PLD5: variants seen among roughly 807,000 people sequenced by gnomAD.
PLD5 encodes phospholipase D family member 5, also known as inactive phospholipase D5.
Under a neutral mutation model 61.1 loss-of-function variants are expected in PLD5, and 36 were observed. The ratio of observed to expected loss-of-function variants is 0.59; its 90% CI spans 0.45 to 0.78. The LOEUF (loss-of-function observed/expected upper bound fraction) is 0.78, where lower values mean the gene tolerates loss of function less well. Among genes scored for constraint, PLD5 ranks in the 30% least tolerant of loss-of-function variants. The probability of loss-of-function intolerance (pLI) is 0.00; values close to 1 mark genes in which losing one functional copy is unlikely to be tolerated. For missense variants in PLD5, 515 were observed against 644.4 expected (o/e 0.80, Z 2.17); for synonymous variants, 243 against 242.8 (o/e 1.00, Z -0.01).
intron 5 of PLD5, among the ~76,000 whole-genome samples, chr1:242,206,081 T>G (rs892747894): frequency 1.3e-5 from 2 of 152,228 alleles, no homozygotes; most frequent in Non-Finnish European, 2.9e-5. Context: ...TCAGTAGCTT[T>G]AGGTTCAGCA....
intron 4 of PLD5, among the ~76,000 whole-genome samples, chr1:242,223,863 G>A (rs1400498209): frequency 6.6e-6 from 1 of 151,338 alleles, no homozygotes; most frequent in African/African-American, 2.5e-5. Flanking sequence ...GAGAGAGAGA[G>A]AGAGAGAGAG....
intron 1 of PLD5, among the ~76,000 whole-genome samples, chr1:242,503,696 G>A (rs1355327545): frequency 6.6e-6 from 1 of 152,164 alleles, no homozygotes; most frequent in East Asian, 1.9e-4. Context: ...ATGATGGTGA[G>A]TGCAATGGGA....
At chr1:242,377,039 G>A in intron 1 of PLD5, 1 of 1,611,738 alleles carries the variant, frequency 6.2e-7, no homozygotes, top group South Asian at 1.1e-5. Flanking sequence ...TGCACTTTCT[G>A]TCTGACACGG....
At chr1:242,174,792 C>G (rs10926639) in intron 5 of PLD5, among the ~76,000 whole-genome samples, 4 of 151,222 alleles carry the variant, frequency 2.6e-5, no homozygotes, top group African/African-American at 9.7e-5. Context: ...AGCAAACTAT[C>G]ACAAGGACAA....
intron 5 of PLD5, among the ~76,000 whole-genome samples, chr1:242,177,300 C>T (rs1248319828): frequency 6.6e-6 from 1 of 152,126 alleles, no homozygotes; most frequent in African/African-American, 2.4e-5. Context: ...CCATTCTCAT[C>T]AAACTAACAC....
intron 5 of PLD5, among the ~76,000 whole-genome samples, chr1:242,128,849 T>C (rs1663009860): frequency 1.3e-5 from 2 of 152,014 alleles, no homozygotes; most frequent in Admixed American, 1.3e-4. Flanking sequence ...CATCCGAAGA[T>C]TGGTATATTT....
intron 1 of PLD5, chr1:242,376,957 T>G (rs1316625386): frequency 6.2e-7 from 1 of 1,610,728 alleles, no homozygotes; most frequent in Non-Finnish European, 8.5e-7. Context: ...TTGGATTTGA[T>G]GAAGGCCATG....
At chr1:242,491,967 A>G (rs879740059) in intron 1 of PLD5, among the ~76,000 whole-genome samples, 15 of 152,252 alleles carry the variant, frequency 9.9e-5, no homozygotes, top group African/African-American at 2.9e-4. Flanking sequence ...CATTTATCAC[A>G]GGCTTGAAAT....
intron 6 of PLD5, among the ~76,000 whole-genome samples, chr1:242,119,251 T>C (rs1662185409): frequency 1.3e-5 from 2 of 152,202 alleles, no homozygotes; most frequent in Non-Finnish European, 2.9e-5. Flanking sequence ...ATTAACAGTT[T>C]CATGGTTTTA....
At chr1:242,384,403 C>T (rs1261881800) in intron 1 of PLD5, among the ~76,000 whole-genome samples, 2 of 152,220 alleles carry the variant, frequency 1.3e-5, no homozygotes, top group African/African-American at 4.8e-5. Flanking sequence ...GATGTATTCT[C>T]TCTGCTTTGG....
Position 242,200,734 on chromosome 1 carries a change from G to A in PLD5, c.735+19254C>T, listed in dbSNP as rs567402070. ...AGGACATTCTTCAATTAGCCTCTTG[G>A]AGACAGTCTCCTGATCTGTGAAATG... On this transcript the variant is annotated intron_variant, in intron 5 of 9. Coordinates refer to ENST00000536534, the MANE Select transcript of PLD5 (RefSeq NM_001372062.1). Among the ~76,000 whole-genome samples, 86 of 152,292 alleles carry A rather than the reference G, an allele frequency of 5.6e-4. No individual in the cohort carries two copies. In the South Asian group the frequency reaches 6.0e-3, roughly 11 times the overall value.
At chr1:242,297,860 C>T (rs1675797823) in intron 2 of PLD5, among the ~76,000 whole-genome samples, 1 of 151,234 alleles carries the variant, frequency 6.6e-6, no homozygotes, top group Non-Finnish European at 1.5e-5. Context: ...AGGATGGTCT[C>T]GATCTCCTGA....
intron 3 of PLD5, among the ~76,000 whole-genome samples, chr1:242,277,109 C>T (rs1452478024): frequency 6.6e-6 from 1 of 152,104 alleles, no homozygotes; most frequent in East Asian, 1.9e-4. Flanking sequence ...ACTCTGGCTG[C>T]AGAGGGGACA....
chr1:242,151,900 C>T (rs1043588089), intron 5 of PLD5, among the ~76,000 whole-genome samples: 2 of 152,014 alleles, frequency 1.3e-5, no homozygotes, highest in African/African-American at 4.8e-5. Context: ...AGAAACAGCA[C>T]AGAGAGATTC....
chr1:242,240,346 C>T (rs760336678), intron 4 of PLD5, among the ~76,000 whole-genome samples: 14 of 152,154 alleles, frequency 9.2e-5, no homozygotes, highest in Non-Finnish European at 2.1e-4. Flanking sequence ...CCACTGCTCT[C>T]CCCCAACATT....
At chr1:242,368,294 T>C (rs1326254366) in intron 1 of PLD5, among the ~76,000 whole-genome samples, 4 of 150,272 alleles carry the variant, frequency 2.7e-5, no homozygotes, top group Non-Finnish European at 5.9e-5. Context: ...CTGAACCACC[T>C]GCATTCTGGA....
intron 1 of PLD5, among the ~76,000 whole-genome samples, chr1:242,483,646 TCAA>T (rs1667860644): frequency 6.6e-6 from 1 of 152,102 alleles, no homozygotes; most frequent in African/African-American, 2.4e-5. Flanking sequence ...ATTAGACAGA[TCAA>T]CGAGACTGAA....
At chr1:242,281,149 A>C (rs1051181515) in intron 3 of PLD5, among the ~76,000 whole-genome samples, 1 of 152,262 alleles carries the variant, frequency 6.6e-6, no homozygotes, top group Admixed American at 6.5e-5. Context: ...TGGTTTTAAT[A>C]GAAAATGTTA....
chr1:242,153,753 T>C (rs922061065), intron 5 of PLD5, among the ~76,000 whole-genome samples: 1 of 152,178 alleles, frequency 6.6e-6, no homozygotes, highest in Non-Finnish European at 1.5e-5. Flanking sequence ...TTGGTTACTG[T>C]AGCCTTGTAG....
Sources: allele counts gnomAD v4.1 joint callset (sites outside exome capture counted in the v4.1 genomes callset), GRCh38; gene constraint gnomAD v4.1.1; transcripts MANE v1.5; gene names NCBI Gene and HGNC (gene_info 2026-07-23, HGNC 2026-07-21).